ADD3: variants seen among roughly 807,000 people sequenced by gnomAD.
ADD3 encodes the protein adducin 3, also known as gamma-adducin.
A neutral mutation model predicts 80.2 loss-of-function variants in ADD3; 25 were observed. The ratio of observed to expected loss-of-function variants is 0.31; its 90% CI spans 0.23 to 0.44. The LOEUF (loss-of-function observed/expected upper bound fraction) is 0.44, where lower values mean the gene tolerates loss of function less well. Among genes scored for constraint, ADD3 ranks in the 20% least tolerant of loss-of-function variants. The probability of loss-of-function intolerance (pLI) is 1.00; values close to 1 mark genes in which losing one functional copy is unlikely to be tolerated. For synonymous variants in ADD3, 284 were observed against 289.6 expected, an observed-to-expected ratio of 0.98 and a Z score of 0.20; for missense variants, 829 against 847.5, an observed-to-expected ratio of 0.98 and a Z score of 0.27.
At chr10:110,077,046 T>C (rs1845451791) in intron 1 of ADD3, 1 of 152,204 alleles carries the variant, frequency 6.6e-6, no homozygotes, top group Non-Finnish European at 1.5e-5. Flanking sequence ...CAAAGTTCAT[T>C]GTTAGGGCAG....
intron 2 of ADD3, among the ~76,000 whole-genome samples, chr10:110,111,767 T>A (rs180735939): frequency 6.6e-6 from 1 of 151,934 alleles, no homozygotes; most frequent in Admixed American, 6.5e-5. Flanking sequence ...AATACAAAAT[T>A]AGCCGGGTGG....
In ADD3 at chr10:110,045,353, C is replaced by CA. The variant is rs772764388; in HGVS notation, c.-30+37065dup. Among the ~76,000 whole-genome samples, 485 of 141,924 alleles carry CA rather than the reference C, an allele frequency of 3.4e-3. 4 individuals carry two copies. The highest frequency in any genetic ancestry group is 5.1e-3 in the Non-Finnish European group (332 of 64,642). 93.1% of individuals were successfully genotyped at this position (141,924 alleles called of 152,430 possible). A position where few individuals can be genotyped will look rare whatever the true frequency, so the allele number is the denominator to read the frequency against. On this transcript the variant is annotated intron_variant, in intron 1 of 14. Coordinates refer to ENST00000356080, the MANE Select transcript of ADD3 (RefSeq NM_016824.5). ...TGGGTAACACAGCAAGACTCTGTCT[C>CA]AAAAAAAAAAAGAGAAAGTACCTAT... is the stretch of plus-strand genomic sequence containing the variant.
chr10:110,071,786 TA>T (rs1228218491), intron 1 of ADD3, among the ~76,000 whole-genome samples: 1 of 152,234 alleles, frequency 6.6e-6, no homozygotes, highest in Non-Finnish European at 1.5e-5. Context: ...ATTTTTGTTT[TA>T]AATGGGGATC....
At position 110,068,608 on chromosome 10, in the gene ADD3, C is replaced by T. The variant is rs147104504; in HGVS notation, c.-29-32017C>T. ...ATACCTAGGGACAGCTGTACATATACACTGTCCAAAGAATTCATTGAGGAT... is the reference window on the plus strand; with the variant it reads ...ATACCTAGGGACAGCTGTACATATATACTGTCCAAAGAATTCATTGAGGAT... On this transcript the variant is annotated intron_variant, in intron 1 of 14. Transcript: ENST00000356080. Among the ~76,000 whole-genome samples, 180 of 152,280 alleles carry T rather than the reference C, an allele frequency of 1.2e-3. 2 individuals are homozygous for T. Among genetic ancestry groups the T allele is most frequent in the African/African-American group, 4.2e-3 (175 of 41,546 alleles).
upstream of ADD3, among the ~76,000 whole-genome samples, chr10:110,005,527 T>C (rs571620718): frequency 6.6e-6 from 1 of 152,352 alleles, no homozygotes; most frequent in African/African-American, 2.4e-5. Flanking sequence ...TATTCTTATA[T>C]TAAATACTAA....
At chr10:110,108,877 A>G (rs1046567868) in intron 2 of ADD3, among the ~76,000 whole-genome samples, 1 of 151,952 alleles carries the variant, frequency 6.6e-6, no homozygotes, top group East Asian at 1.9e-4. Flanking sequence ...TTGAAAAAAA[A>G]TTTTTTTTAT....
intron 1 of ADD3, among the ~76,000 whole-genome samples, chr10:110,037,643 A>C (rs1468777198): frequency 1.3e-5 from 2 of 151,142 alleles, no homozygotes; most frequent in Non-Finnish European, 3.0e-5. Context: ...TATAATATTT[A>C]TTTCAAAAGT....
intron 1 of ADD3, among the ~76,000 whole-genome samples, chr10:110,035,286 C>A (rs982196727): frequency 6.6e-6 from 1 of 152,192 alleles, no homozygotes; most frequent in East Asian, 1.9e-4. Flanking sequence ...TGCTGCTATA[C>A]CTTCATTGAT....
intron 1 of ADD3, among the ~76,000 whole-genome samples, chr10:110,022,533 T>G (rs1853797325): frequency 6.6e-6 from 1 of 152,214 alleles, no homozygotes; most frequent in African/African-American, 2.4e-5. Context: ...TTATGTAATT[T>G]TCTTTATTAG....
chr10:110,133,777 A>G lies in ADD3; in HGVS notation c.*159A>G. 1 of 549,908 alleles carries G rather than the reference A, an allele frequency of 1.8e-6. No individual in the cohort carries two copies. Among genetic ancestry groups the G allele is most frequent in the Admixed American group, 3.7e-5 (1 of 26,680 alleles). 34.1% of individuals were successfully genotyped at this position (549,908 alleles called of 1,614,324 possible). A position where few individuals can be genotyped will look rare whatever the true frequency, so the allele number is the denominator to read the frequency against. ...GAGGTTTTACAAAAGAAAAACTTTC[A>G]GATTCATCTCTCATTTTATATGTCC... On this transcript the variant is annotated 3_prime_UTR_variant, in exon 15 of 15. Coordinates refer to ENST00000356080, the MANE Select transcript of ADD3 (RefSeq NM_016824.5).
chr10:110,093,059 A>G (rs1847746346), intron 1 of ADD3, among the ~76,000 whole-genome samples: 1 of 152,258 alleles, frequency 6.6e-6, no homozygotes, highest in Non-Finnish European at 1.5e-5. Flanking sequence ...GGGTTTCACC[A>G]TATTTGCCAG....
intron 1 of ADD3, among the ~76,000 whole-genome samples, chr10:110,026,614 G>A (rs11194956): frequency 6.6e-6 from 1 of 152,150 alleles, no homozygotes; most frequent in South Asian, 2.1e-4. Context: ...ATAGGACCCA[G>A]GTACAAGGTC....
chr10:110,123,866 A>T (rs1851817122), intron 9 of ADD3, 151 bp from the exon 10 acceptor site: 1 of 745,158 alleles, frequency 1.3e-6, no homozygotes, highest in South Asian at 1.9e-5. Flanking sequence ...CCAGTGTTAC[A>T]TGAAAGTTAT....
Position 110,120,207 on chromosome 10 carries a change from A to G in ADD3, c.960+643A>G, listed in dbSNP as rs577267959. ...TCATCTAGCATTAGGTATATCTCCC[A>G]ATGCTATCCCTCCCCCCTCCCCCCA... On this transcript the variant is annotated intron_variant, in intron 8 of 14. Coordinates refer to ENST00000356080, the MANE Select transcript of ADD3 (RefSeq NM_016824.5). Among the ~76,000 whole-genome samples, 8 of 138,348 alleles carry G rather than the reference A, an allele frequency of 5.8e-5. No individual in the cohort carries two copies. In the South Asian group the frequency reaches 1.3e-3, roughly 22 times the overall value. 90.8% of individuals were successfully genotyped at this position (138,348 alleles called of 152,430 possible).
chr10:110,001,414 C>CA (rs35498781), upstream of ADD3, among the ~76,000 whole-genome samples: 432 of 120,286 alleles, frequency 3.6e-3, 5 homozygotes, highest in African/African-American at 0.011. Flanking sequence ...GACCCTGTCT[C>CA]AAAAAAAAAA....
Position 110,122,933 on chromosome 10 carries a change from G to A in ADD3, c.1143+641G>A, listed in dbSNP as rs534429468. ...TGGCGTGAGCTGCCATGCCCAACAA[G>A]TTCAACTTTTTAAGACTCTGTATAT... On this transcript the variant is annotated intron_variant, in intron 9 of 14. Transcript: ENST00000356080. Among the ~76,000 whole-genome samples, 4 of 152,012 alleles carry A rather than the reference G, an allele frequency of 2.6e-5. No individual in the cohort carries two copies. The East Asian group carries it at 7.7e-4, about 29-fold the overall frequency.
chr10:110,012,155 A>T (rs150175745), intron 1 of ADD3, among the ~76,000 whole-genome samples: 14 of 152,336 alleles, frequency 9.2e-5, no homozygotes, highest in Non-Finnish European at 2.9e-5. Flanking sequence ...GTTAAAAATT[A>T]TTCACCTGGT....
At chr10:110,096,788 C>T (rs1463113503) in intron 1 of ADD3, among the ~76,000 whole-genome samples, 1 of 152,152 alleles carries the variant, frequency 6.6e-6, no homozygotes, top group East Asian at 1.9e-4. Flanking sequence ...GTCTCTACTT[C>T]TTAGTGGAAA....
intron 4 of ADD3, 150 bp downstream of exon 4, chr10:110,116,560 T>C (rs1013454475): frequency 1.7e-5 from 13 of 747,460 alleles, no homozygotes; most frequent in East Asian, 1.4e-4. Context: ...TTAAACCTTA[T>C]ACCCAAGGGA....
Sources: gnomAD v4.1 joint callset for allele counts (sites outside exome capture counted in the v4.1 genomes callset) on GRCh38, gnomAD v4.1.1 for gene constraint, MANE v1.5 for transcripts, NCBI Gene and HGNC (gene_info 2026-07-23, HGNC 2026-07-21) for gene names.